CHCHD3: variants seen among roughly 807,000 people sequenced by gnomAD.
CHCHD3 encodes the protein MICOS complex subunit MIC19.
In CHCHD3, 20 loss-of-function variants were observed where a neutral mutation model predicts 38.2. The observed-to-expected ratio is 0.52, with a 90% CI of 0.37 to 0.76. The LOEUF (loss-of-function observed/expected upper bound fraction) is 0.76. Among genes scored for constraint, CHCHD3 ranks in the 30% least tolerant of loss-of-function variants. CHCHD3 has a pLI of 0.00. For missense variants in CHCHD3, 245 were observed against 279.2 expected (o/e 0.88, Z 0.87); for synonymous variants, 82 against 100.0 (o/e 0.82, Z 1.07).
chr7:133,040,429 G>A (rs1480832725), intron 2 of CHCHD3, among the ~76,000 whole-genome samples: 1 of 152,112 alleles, frequency 6.6e-6, no homozygotes, highest in Non-Finnish European at 1.5e-5. Context: ...TACCCTTCCA[G>A]TACTGGGGTG....
At chr7:132,903,085 G>A (rs1256532535) in intron 4 of CHCHD3, among the ~76,000 whole-genome samples, 3 of 152,286 alleles carry the variant, frequency 2.0e-5, no homozygotes, top group African/African-American at 4.8e-5. Flanking sequence ...ACAGCAATGT[G>A]AAGCAAGTAC....
chr7:132,920,735 A>G (rs1440594905), intron 4 of CHCHD3, among the ~76,000 whole-genome samples: 1 of 152,184 alleles, frequency 6.6e-6, no homozygotes, highest in Non-Finnish European at 1.5e-5. Context: ...TAGGCTTGCT[A>G]TGCCTCAAAA....
At chr7:132,998,538 T>G (rs1363512744) in intron 3 of CHCHD3, among the ~76,000 whole-genome samples, 1 of 152,180 alleles carries the variant, frequency 6.6e-6, no homozygotes, top group Non-Finnish European at 1.5e-5. Flanking sequence ...TCAGAAATTT[T>G]AGAATTACTA....
chr7:132,817,431 A>T (rs750560970), intron 6 of CHCHD3, among the ~76,000 whole-genome samples: 3 of 152,130 alleles, frequency 2.0e-5, no homozygotes, highest in African/African-American at 4.8e-5. Context: ...AAAAAAAATG[A>T]GGCAAAGTGA....
chr7:132,881,317 T>C (rs1809050459), intron 5 of CHCHD3, among the ~76,000 whole-genome samples: 1 of 152,166 alleles, frequency 6.6e-6, no homozygotes, highest in Non-Finnish European at 1.5e-5. Context: ...AAGCAGTTTA[T>C]TGAAATAGAT....
chr7:133,075,409 A>G (rs997325491), intron 1 of CHCHD3, among the ~76,000 whole-genome samples: 2 of 152,180 alleles, frequency 1.3e-5, no homozygotes, highest in Non-Finnish European at 2.9e-5. Flanking sequence ...AGCAGCACCC[A>G]TGGCCATCTA....
chr7:132,985,190 G>C (rs1260012963), intron 3 of CHCHD3, among the ~76,000 whole-genome samples: 1 of 75,070 alleles, frequency 1.3e-5, no homozygotes. Flanking sequence ...GCCCCGTCCG[G>C]AAGGGAGGTG....
chr7:132,785,720 A>C, intron 7 of CHCHD3, 60 bp from the exon 8 acceptor site: 1 of 1,507,744 alleles, frequency 6.6e-7, no homozygotes, highest in African/African-American at 1.4e-5. Context: ...AATAAATGGC[A>C]CTAACTATTT....
intron 5 of CHCHD3, among the ~76,000 whole-genome samples, chr7:132,870,286 G>A (rs1296240680): frequency 6.6e-6 from 1 of 150,644 alleles, no homozygotes; most frequent in Admixed American, 6.6e-5. Context: ...GGAGGCAGAG[G>A]TTGCGGTGAA....
At chr7:133,024,707 G>T in intron 2 of CHCHD3, 80 bp from the exon 3 acceptor site, 1 of 1,053,704 alleles carries the variant, frequency 9.5e-7, no homozygotes. Flanking sequence ...AGGAAAGCCC[G>T]GCTGAGACTA....
chr7:132,888,373 G>A (rs952535606), intron 4 of CHCHD3, among the ~76,000 whole-genome samples: 6 of 151,544 alleles, frequency 4.0e-5, no homozygotes, highest in African/African-American at 9.7e-5. Context: ...TTGTGGTGGC[G>A]GTTATATAAT....
chr7:133,028,728 T>C (rs1301590305), intron 2 of CHCHD3, among the ~76,000 whole-genome samples: 2 of 151,742 alleles, frequency 1.3e-5, no homozygotes, highest in Non-Finnish European at 2.9e-5. Flanking sequence ...CTACTACAAA[T>C]ACAAAAATTA....
At chr7:132,959,159 C>G (rs1039525372) in intron 4 of CHCHD3, among the ~76,000 whole-genome samples, 1 of 152,192 alleles carries the variant, frequency 6.6e-6, no homozygotes, top group Admixed American at 6.5e-5. Flanking sequence ...AGCCTCAAAT[C>G]ACAATGTTAT....
chr7:132,973,562 G>A (rs755051795), intron 4 of CHCHD3: 39 of 993,138 alleles, frequency 3.9e-5, no homozygotes, highest in Non-Finnish European at 4.3e-5. Flanking sequence ...CACATGTACT[G>A]TTCTTAGGGC....
Position 133,035,985 on chromosome 7 carries a change from G to A in CHCHD3, c.170-11358C>T, listed in dbSNP as rs1448877824. The A allele has an allele frequency of 4.5e-6, 5 of 1,115,466 alleles. No homozygotes were observed. In the East Asian group the frequency reaches 1.3e-4, roughly 28 times the overall value. The allele number at this position is 1,115,466 out of a possible 1,614,324, so 69.1% of individuals were successfully genotyped here. A position where few individuals can be genotyped will look rare whatever the true frequency, so the allele number is the denominator to read the frequency against. On this transcript the variant is annotated intron_variant, in intron 2 of 7. Transcript: ENST00000262570. This position sits in a 1 kb window ranked among gnomAD's most constrained non-coding sequence, Gnocchi z 4.7. ...TGTTATCAGGTAGGGGTCCTTAGGG[G>A]AACTGTTTTAATGAAACTAGTAATT... is the stretch of plus-strand genomic sequence containing the variant.
intron 6 of CHCHD3, among the ~76,000 whole-genome samples, chr7:132,828,435 C>G (rs1032085029): frequency 3.3e-5 from 5 of 152,050 alleles, no homozygotes; most frequent in Non-Finnish European, 7.4e-5. Flanking sequence ...AAAAATTTTC[C>G]TAATGATGTC....
intron 6 of CHCHD3, among the ~76,000 whole-genome samples, chr7:132,807,642 T>TATATATAC (rs1806964595): frequency 8.6e-6 from 1 of 116,282 alleles, no homozygotes; most frequent in Non-Finnish European, 1.7e-5. Context: ...TATATATATA[T>TATATATAC]ATACTTGACA....
chr7:132,920,175 A>T (rs1209701078), intron 4 of CHCHD3, among the ~76,000 whole-genome samples: 2 of 152,206 alleles, frequency 1.3e-5, no homozygotes, highest in African/African-American at 4.8e-5. Flanking sequence ...CTATGGCCCA[A>T]ATCTTGCCTT....
At chr7:132,870,263 T>C (rs553208587) in intron 5 of CHCHD3, among the ~76,000 whole-genome samples, 57 of 150,904 alleles carry the variant, frequency 3.8e-4, no homozygotes, top group Non-Finnish European at 7.5e-4. Context: ...AGTGGGAGGA[T>C]TGCTTGAGCC....
Sources: gnomAD v4.1 joint callset for allele counts (sites outside exome capture counted in the v4.1 genomes callset) on GRCh38, gnomAD v4.1.1 for gene constraint, Gnocchi (gnomAD v3.1) non-coding constraint, MANE v1.5 for transcripts, NCBI Gene and HGNC (gene_info 2026-07-23, HGNC 2026-07-21) for gene names.